Variants in ZFAND3 observed in about 807,000 individuals in gnomAD.
ZFAND3 encodes zinc finger AN1-type containing 3.
A neutral mutation model predicts 29.6 loss-of-function variants in ZFAND3; 10 were observed. The observed-to-expected ratio is 0.34, with a 90% confidence interval of 0.21 to 0.57. ZFAND3 has a LOEUF of 0.57. Ranked by LOEUF, ZFAND3 falls within the 20% of genes least tolerant of loss-of-function variation. The pLI is 0.86. For missense variants in ZFAND3, 230 were observed against 304.5 expected (o/e 0.76, Z 1.82); for synonymous variants, 128 against 112.6 (o/e 1.14, Z -0.87).
intron 1 of ZFAND3, among the ~76,000 whole-genome samples, chr6:37,872,996 C>T (rs761082774): frequency 2.0e-4 from 30 of 152,176 alleles, no homozygotes; most frequent in Non-Finnish European, 3.5e-4. Flanking sequence ...TGGTGGCTCA[C>T]GCCTGTAATC....
intron 1 of ZFAND3, among the ~76,000 whole-genome samples, chr6:37,884,277 TGAGGTC>T: frequency 6.9e-6 from 1 of 144,472 alleles, no homozygotes; most frequent in East Asian, 2.0e-4. Flanking sequence ...GTGGATCACC[TGAGGTC>T]GAGAGTTTGA....
Position 38,120,320 on chromosome 6 carries a change from C to CTTTTTTTTTTTTTTTT in ZFAND3, c.529+3596_529+3611dup, listed in dbSNP as rs70981523. 1.6e-3 allele frequency among the ~76,000 whole-genome samples: 95 copies of CTTTTTTTTTTTTTTTT among 60,732 alleles called. 18 individuals are homozygous for CTTTTTTTTTTTTTTTT. The highest frequency in any genetic ancestry group is 2.1e-3 in the Non-Finnish European group (68 of 31,824). The allele number at this position is 60,732 out of a possible 152,430, so 39.8% of individuals were successfully genotyped here. ...TGATTGATACACGTAGCTTGGCTTC[C>CTTTTTTTTTTTTTTTT]TTTTTTTTTTTTTTTTTTTTTTTTT... On this transcript the variant is annotated intron_variant, in intron 5 of 5. Transcript: ENST00000287218.
chr6:37,862,254 A>G lies in ZFAND3; in HGVS notation c.71+42238A>G, dbSNP rs1311642344. On this transcript the variant is annotated intron_variant, in intron 1 of 5. Transcript: ENST00000287218. ...TATTGCAAAGTTCTTGCACTGCCAA[A>G]CCATGCCTAAGAATTCAAAGAAAGA... Among the ~76,000 whole-genome samples, 2 of 152,106 alleles carry G rather than the reference A, an allele frequency of 1.3e-5. 1 individual carries two copies. Among genetic ancestry groups the G allele is most frequent in the East Asian group, 3.8e-4 (2 of 5,202 alleles).
At chr6:37,846,748 G>C (rs952671178) in intron 1 of ZFAND3, among the ~76,000 whole-genome samples, 1 of 140,026 alleles carries the variant, frequency 7.1e-6, no homozygotes, top group Non-Finnish European at 1.5e-5. Context: ...GTCTCGCTCT[G>C]TCGCCCAGGC....
chr6:37,929,117 C>G (rs761418790), intron 1 of ZFAND3, among the ~76,000 whole-genome samples: 2 of 152,128 alleles, frequency 1.3e-5, no homozygotes, highest in Non-Finnish European at 2.9e-5. Context: ...TTATTTATAT[C>G]CTGCTCAAGG....
chr6:37,949,286 A>G (rs1156796321), intron 2 of ZFAND3, among the ~76,000 whole-genome samples: 2 of 152,000 alleles, frequency 1.3e-5, no homozygotes, highest in African/African-American at 2.4e-5. Context: ...TCCTTTGCCC[A>G]TTTTTTAATG....
At chr6:37,847,605 G>A (rs1284183797) in intron 1 of ZFAND3, among the ~76,000 whole-genome samples, 1 of 152,070 alleles carries the variant, frequency 6.6e-6, no homozygotes, top group Non-Finnish European at 1.5e-5. Flanking sequence ...TTGATACACA[G>A]AAAGTGTTAT....
chr6:38,144,231 ATTTT>A (rs67159019), intron 5 of ZFAND3, among the ~76,000 whole-genome samples: 185 of 75,280 alleles, frequency 2.5e-3, no homozygotes, highest in Middle Eastern at 0.024. Flanking sequence ...ATATATATAT[ATTTT>A]TTTTTTAATA....
At chr6:38,149,064 CA>C (rs1412128008) in intron 5 of ZFAND3, among the ~76,000 whole-genome samples, 1 of 152,042 alleles carries the variant, frequency 6.6e-6, no homozygotes, top group Non-Finnish European at 1.5e-5. Context: ...TTCAAAAATG[CA>C]AGCTGGCTGG....
chr6:38,020,127 T>C (rs1266764828), intron 2 of ZFAND3, among the ~76,000 whole-genome samples: 1 of 152,236 alleles, frequency 6.6e-6, no homozygotes, highest in African/African-American at 2.4e-5. Flanking sequence ...CATAGCTTTG[T>C]TACCTAACTG....
intron 1 of ZFAND3, among the ~76,000 whole-genome samples, chr6:37,910,465 A>AT (rs1208996996): frequency 2.0e-5 from 3 of 152,202 alleles, no homozygotes; most frequent in Non-Finnish European, 4.4e-5. Context: ...AAATATTTTA[A>AT]TTAAGACTTT....
chr6:38,142,357 C>T (rs1765975933), intron 5 of ZFAND3: 6 of 471,200 alleles, frequency 1.3e-5, no homozygotes, highest in South Asian at 3.1e-5. Context: ...TGACTCTTGC[C>T]TGCAAAGGTG....
chr6:38,032,346 G>A (rs962027374), intron 2 of ZFAND3, among the ~76,000 whole-genome samples: 1 of 152,214 alleles, frequency 6.6e-6, no homozygotes, highest in African/African-American at 2.4e-5. Context: ...GAATATGTCA[G>A]TTGTTTGAAA....
intron 1 of ZFAND3, among the ~76,000 whole-genome samples, chr6:37,854,171 G>A (rs1212613962): frequency 2.6e-5 from 4 of 151,946 alleles, no homozygotes; most frequent in Non-Finnish European, 4.4e-5. Context: ...GGCTGGTCTC[G>A]AACTCCTGAC....
chr6:37,886,380 T>G (rs1000825811), intron 1 of ZFAND3, among the ~76,000 whole-genome samples: 2 of 151,690 alleles, frequency 1.3e-5, no homozygotes, highest in African/African-American at 2.4e-5. Flanking sequence ...TGATCTTAGG[T>G]AAATCACTTG....
chr6:38,054,723 C>A (rs1764101348), intron 2 of ZFAND3, among the ~76,000 whole-genome samples: 1 of 152,170 alleles, frequency 6.6e-6, no homozygotes, highest in South Asian at 2.1e-4. Flanking sequence ...ACATAAGCTA[C>A]AACATATGCA....
At chr6:37,893,047 ACACACACACGCATG>A (rs1401400368) in intron 1 of ZFAND3, among the ~76,000 whole-genome samples, 3 of 152,170 alleles carry the variant, frequency 2.0e-5, no homozygotes, top group Non-Finnish European at 4.4e-5. Flanking sequence ...AGTTCTACAC[ACACACACACGCATG>A]CACACACACA....
chr6:38,112,908 A>G (rs1441794762), intron 4 of ZFAND3, among the ~76,000 whole-genome samples: 1 of 152,250 alleles, frequency 6.6e-6, no homozygotes, highest in Non-Finnish European at 1.5e-5. Context: ...TCATTAAAAC[A>G]CTAAGTTGAC....
At position 38,073,136 on chromosome 6, in the gene ZFAND3, C is replaced by T. The variant is rs559070797; in HGVS notation, c.296-9256C>T. Among the ~76,000 whole-genome samples the T allele has an allele frequency of 3.2e-4, 49 of 152,192 alleles. 1 individual carries two copies. The South Asian group carries it at 9.3e-3, about 29-fold the overall frequency. On this transcript the variant is annotated intron_variant, in intron 3 of 5. Coordinates refer to ENST00000287218, the MANE Select transcript of ZFAND3 (RefSeq NM_021943.3). ...GCAAAGAGGCAGAAGAGAAGGGCACCGGTGTTCCAAGTTGTTTTTACAAGT... is the reference window on the plus strand; with the variant it reads ...GCAAAGAGGCAGAAGAGAAGGGCACTGGTGTTCCAAGTTGTTTTTACAAGT...
Sources: allele counts gnomAD v4.1 joint callset (sites outside exome capture counted in the v4.1 genomes callset), GRCh38; gene constraint gnomAD v4.1.1; transcripts MANE v1.5; gene names NCBI Gene and HGNC (gene_info 2026-07-23, HGNC 2026-07-21).